FTO: variants seen among roughly 807,000 people sequenced by gnomAD.
FTO encodes the protein alpha-ketoglutarate-dependent dioxygenase FTO.
In FTO, 47 loss-of-function variants were observed where a neutral mutation model predicts 63.9. The ratio of observed to expected loss-of-function variants is 0.74; its 90% CI spans 0.58 to 0.94. FTO has a LOEUF of 0.94. FTO is among the 40% of genes least tolerant of loss of function. The pLI is 0.00. For missense variants in FTO, 562 were observed against 618.1 expected, an observed-to-expected ratio of 0.91 and a Z score of 0.96; for synonymous variants, 207 against 224.4, an observed-to-expected ratio of 0.92 and a Z score of 0.69.
At chr16:53,742,538 C>T (rs547321152) in intron 1 of FTO, among the ~76,000 whole-genome samples, 8 of 152,138 alleles carry the variant, frequency 5.3e-5, no homozygotes, top group Non-Finnish European at 1.0e-4. Context: ...TTATAATATT[C>T]ACTCAGTTAA....
chr16:53,816,658 T>G (rs1250484752), intron 2 of FTO, among the ~76,000 whole-genome samples: 1 of 152,132 alleles, frequency 6.6e-6, no homozygotes, highest in Non-Finnish European at 1.5e-5. Context: ...TTTCTTGCTT[T>G]CTTCTGCTCT....
intron 1 of FTO, among the ~76,000 whole-genome samples, chr16:53,725,188 G>A (rs559783144): frequency 2.6e-5 from 4 of 152,252 alleles, no homozygotes; most frequent in East Asian, 3.9e-4. Context: ...ATTAGTTCAC[G>A]TTATACTGTG....
At chr16:53,910,334 G>A (rs181836009) in intron 7 of FTO, among the ~76,000 whole-genome samples, 14 of 152,246 alleles carry the variant, frequency 9.2e-5, no homozygotes, top group African/African-American at 3.1e-4. Context: ...AGTGGTTGGA[G>A]CTGGATTCAA....
chr16:54,093,570 C>T (rs1006861056), intron 8 of FTO, among the ~76,000 whole-genome samples: 3 of 152,118 alleles, frequency 2.0e-5, no homozygotes, highest in Non-Finnish European at 2.9e-5. Flanking sequence ...AGTGAGGAGC[C>T]GAACTTCTCC....
intron 7 of FTO, among the ~76,000 whole-genome samples, chr16:53,923,990 T>G (rs573963740): frequency 1.9e-3 from 284 of 152,278 alleles, no homozygotes; most frequent in African/African-American, 6.2e-3. Context: ...ATGGTGTAAG[T>G]GCTTTGGGGA....
At chr16:53,748,463 T>A (rs569007324) in intron 1 of FTO, among the ~76,000 whole-genome samples, 10 of 152,268 alleles carry the variant, frequency 6.6e-5, no homozygotes, top group African/African-American at 2.4e-4. Flanking sequence ...TTTATTTATT[T>A]ATTTATTTAG....
At chr16:53,850,822 C>T (rs1056429417) in intron 4 of FTO, among the ~76,000 whole-genome samples, 1 of 151,906 alleles carries the variant, frequency 6.6e-6, no homozygotes, top group Non-Finnish European at 1.5e-5. Context: ...TGAAAATGCT[C>T]TAAAATTAGT....
intron 8 of FTO, chr16:54,063,971 A>G (rs1241248400): frequency 4.2e-5 from 6 of 143,800 alleles, no homozygotes; most frequent in Non-Finnish European, 7.4e-5. Context: ...AAGAAATTAC[A>G]ATAAGCTTTT....
At chr16:53,834,730 C>T (rs1389594117) in intron 3 of FTO, among the ~76,000 whole-genome samples, 1 of 152,112 alleles carries the variant, frequency 6.6e-6, no homozygotes, top group East Asian at 1.9e-4. Flanking sequence ...TACACCTTTT[C>T]TTCCCATTTT....
chr16:53,823,535 G>C (rs1307322859), intron 2 of FTO, among the ~76,000 whole-genome samples: 2 of 131,084 alleles, frequency 1.5e-5, no homozygotes, highest in East Asian at 4.5e-4. Context: ...GGTTTCATAG[G>C]TATCTTCAAG....
chr16:53,811,448 C>T (rs1465057105), intron 2 of FTO, among the ~76,000 whole-genome samples: 9 of 152,170 alleles, frequency 5.9e-5, no homozygotes, highest in African/African-American at 2.2e-4. Context: ...AATATGATTT[C>T]TGTGACTTCT....
In FTO at chr16:54,037,749, A is replaced by G. The variant is rs567661525; in HGVS notation, c.1365-74013A>G. Among the ~76,000 whole-genome samples, 3 of 152,378 alleles carry G rather than the reference A, an allele frequency of 2.0e-5. No homozygotes were observed. The South Asian group carries it at 6.2e-4, about 32-fold the overall frequency. On this transcript the variant is annotated intron_variant, in intron 8 of 8. Transcript: ENST00000471389. ...TAGTATTTACAAAGACAACATAGAA[A>G]CATGGAGAAATGCATATGATATACC...
chr16:54,067,961 C>A (rs1287007738), intron 8 of FTO, among the ~76,000 whole-genome samples: 1 of 152,026 alleles, frequency 6.6e-6, no homozygotes, highest in Non-Finnish European at 1.5e-5. Context: ...TTACACATTC[C>A]TCTCTCCTCT....
chr16:54,088,633 A>G (rs2086304176), intron 8 of FTO, among the ~76,000 whole-genome samples: 1 of 152,234 alleles, frequency 6.6e-6, no homozygotes, highest in South Asian at 2.1e-4. Flanking sequence ...TATTCCAAAT[A>G]CGGCAGTGAA....
chr16:53,840,750 A>T (rs1446582967), intron 3 of FTO, among the ~76,000 whole-genome samples: 1 of 152,116 alleles, frequency 6.6e-6, no homozygotes, highest in East Asian at 1.9e-4. Flanking sequence ...AGGTACCTCA[A>T]ATGAGTAAAG....
intron 1 of FTO, among the ~76,000 whole-genome samples, chr16:53,742,116 T>C (rs1303940284): frequency 1.3e-5 from 2 of 152,028 alleles, no homozygotes; most frequent in African/African-American, 4.8e-5. Context: ...CGGTATTCTG[T>C]TTGTTAGAAG....
rs1037631258 is a variant in FTO at position 54,118,426 on chromosome 16, C to T, written c.*6511C>T. 2.1e-5 allele frequency: 3 copies of T among 145,748 alleles called. No homozygotes were observed. The highest frequency in any genetic ancestry group is 4.5e-5 in the Non-Finnish European group (3 of 67,104). 9.0% of individuals were successfully genotyped at this position (145,748 alleles called of 1,614,324 possible). Reference sequence around the variant, plus strand: ...GTAGGCTGGAGTGCAGTGGTGAGATCACGGCTCACTGCAGCCTCGACTTCA... The same window carrying T: ...GTAGGCTGGAGTGCAGTGGTGAGATTACGGCTCACTGCAGCCTCGACTTCA... On this transcript the variant is annotated 3_prime_UTR_variant, in exon 9 of 9. Transcript: ENST00000471389.
chr16:53,959,895 A>G (rs1049101198), intron 8 of FTO, among the ~76,000 whole-genome samples: 1 of 152,166 alleles, frequency 6.6e-6, no homozygotes, highest in Non-Finnish European at 1.5e-5. Flanking sequence ...GCAAAGGCCC[A>G]GGGGCATGAA....
intron 4 of FTO, among the ~76,000 whole-genome samples, chr16:53,864,344 G>A (rs572005411): frequency 8.5e-5 from 13 of 152,282 alleles, no homozygotes; most frequent in Admixed American, 7.2e-4. Flanking sequence ...AAGGAAGTAA[G>A]GGCTGGGGTA....
Sources: gnomAD v4.1 joint callset for allele counts (sites outside exome capture counted in the v4.1 genomes callset) on GRCh38, gnomAD v4.1.1 for gene constraint, MANE v1.5 for transcripts, NCBI Gene and HGNC (gene_info 2026-07-23, HGNC 2026-07-21) for gene names.